Variants in RPP30 observed in about 807,000 individuals in gnomAD.
The protein encoded by RPP30 is ribonuclease P/MRP subunit p30.
Under a neutral mutation model 38.6 loss-of-function variants are expected in RPP30, and 36 were observed. That is an observed-to-expected ratio of 0.93 (90% confidence interval 0.71 to 1.23). RPP30 has a LOEUF of 1.23. Ranked by LOEUF, RPP30 falls within the 50% of genes most tolerant of loss-of-function variation. The pLI is 0.00. For synonymous variants in RPP30, 126 were observed against 112.7 expected (o/e 1.12, Z -0.75); for missense variants, 321 against 321.7 (o/e 1.00, Z 0.02).
chr10:90,872,141 A>G (rs779619382), intron 1 of RPP30, 73 bp downstream of exon 1: 54 of 1,249,942 alleles, frequency 4.3e-5, no homozygotes, highest in East Asian at 1.4e-4. Flanking sequence ...CGGAGTAACT[A>G]TTTCCTGATG....
At position 90,876,099 on chromosome 10, in the gene RPP30, G is replaced by A. The variant is rs1456084532; in HGVS notation, c.270+1G>A. 1.3e-6 allele frequency: 2 copies of A among 1,542,862 alleles called. No individual in the cohort carries two copies. The highest frequency in any genetic ancestry group is 1.7e-5 in the Admixed American group (1 of 59,334). ...GGATCCATCTCACTGCAATGTTTTG[G>A]TAAGTTAATTATTTTTCTTCTCTCC... On this transcript the variant is annotated splice_donor_variant, in intron 4 of 10. Transcript: ENST00000371703. LOFTEE classifies it high-confidence loss of function.
chr10:90,876,142 G>T (rs751157015), intron 4 of RPP30, 44 bp downstream of exon 4: 1 of 1,220,896 alleles, frequency 8.2e-7, no homozygotes, highest in Non-Finnish European at 1.2e-6. Flanking sequence ...TTTGTGAGTT[G>T]TATTGATTAA....
chr10:90,890,481 G>C (rs995494531), intron 6 of RPP30, among the ~76,000 whole-genome samples: 1 of 151,738 alleles, frequency 6.6e-6, no homozygotes, highest in African/African-American at 2.4e-5. Context: ...TTCTGTCTTC[G>C]TGGTCCGATT....
chr10:90,875,576 G>C lies in RPP30; in HGVS notation c.157G>C (p.Ala53Pro). 1 of 1,613,442 alleles carries C rather than the reference G, an allele frequency of 6.2e-7. No individual in the cohort carries two copies. The highest frequency in any genetic ancestry group is 8.5e-7 in the Non-Finnish European group (1 of 1,179,540). ...EKKQEIEKPVAVSELFTTLPI... is the reference protein window; with the variant it reads ...EKKQEIEKPVPVSELFTTLPI... ...GTTGTAGGAAATTGAAAAACCAGTAGCTGTTTCTGAACTCTTCACAACTTT... is the reference window on the plus strand; with the variant it reads ...GTTGTAGGAAATTGAAAAACCAGTACCTGTTTCTGAACTCTTCACAACTTT... Residue 53 changes from alanine to proline, a missense_variant, in exon 3 of 11, where the codon GCT becomes CCT. Coordinates refer to ENST00000371703, the MANE Select transcript of RPP30 (RefSeq NM_006413.5).
Position 90,901,596 on chromosome 10 carries a change from G to T in RPP30, c.*917G>T. 1 of 984,968 alleles carries T rather than the reference G, an allele frequency of 1.0e-6. No individual in the cohort carries two copies. The highest frequency in any genetic ancestry group is 1.2e-6 in the Non-Finnish European group (1 of 829,618). 61.0% of individuals were successfully genotyped at this position (984,968 alleles called of 1,614,324 possible). On this transcript the variant is annotated 3_prime_UTR_variant, in exon 11 of 11. Transcript: ENST00000371703. ...AACGCTAATATTGATTTTCCTGATAGCTGTATTAAAAATAGCAAAGCATCG... is the reference window on the plus strand; with the variant it reads ...AACGCTAATATTGATTTTCCTGATATCTGTATTAAAAATAGCAAAGCATCG...
At chr10:90,898,339 AAG>A (rs1847166637) in intron 10 of RPP30, among the ~76,000 whole-genome samples, 1 of 152,162 alleles carries the variant, frequency 6.6e-6, no homozygotes, top group African/African-American at 2.4e-5. Flanking sequence ...CTATTCCCTG[AAG>A]AGAGTCCTAA....
chr10:90,907,820 C>T (rs569718791), downstream of RPP30, among the ~76,000 whole-genome samples: 7 of 152,282 alleles, frequency 4.6e-5, no homozygotes, highest in Non-Finnish European at 8.8e-5. Flanking sequence ...TTTCCTTCAT[C>T]GTATTTACAA....
intron 7 of RPP30, 135 bp downstream of exon 7, chr10:90,895,026 G>T: frequency 1.3e-6 from 1 of 757,256 alleles, no homozygotes; most frequent in South Asian, 1.4e-5. Flanking sequence ...TGCCATTTCA[G>T]TGAGCTCTGC....
chr10:90,898,862 A>G (rs567780453), intron 10 of RPP30, among the ~76,000 whole-genome samples: 13 of 152,294 alleles, frequency 8.5e-5, no homozygotes, highest in Admixed American at 2.6e-4. Flanking sequence ...GTGATTGATA[A>G]AGTTCATGCC....
At chr10:90,883,529 A>G (rs758462803) in intron 5 of RPP30, among the ~76,000 whole-genome samples, 1 of 152,290 alleles carries the variant, frequency 6.6e-6, no homozygotes, top group East Asian at 1.9e-4. Context: ...AAAATAATTC[A>G]GTTTGGGGCA....
intron 7 of RPP30, 187 bp downstream of exon 7, chr10:90,895,078 A>G: frequency 1.6e-6 from 1 of 643,376 alleles, no homozygotes; most frequent in Non-Finnish European, 2.8e-6. Flanking sequence ...AGAATAATGT[A>G]AGGGAGAAAA....
chr10:90,904,225 T>C (rs1011749457), downstream of RPP30, among the ~76,000 whole-genome samples: 1 of 152,206 alleles, frequency 6.6e-6, no homozygotes, highest in African/African-American at 2.4e-5. Flanking sequence ...TCCAAGATCA[T>C]ACTTTAGATA....
At position 90,887,207 on chromosome 10, in the gene RPP30, A is replaced by G. The variant is rs528595074; in HGVS notation, c.432+1306A>G. ...GGTCTCAAACTCCTGGGCTCAAGCA[A>G]TCCTCCCACCTCAGCCTCCCAAAGT... On this transcript the variant is annotated intron_variant, in intron 6 of 10. Transcript: ENST00000371703. 1.2e-4 allele frequency among the ~76,000 whole-genome samples: 18 copies of G among 151,484 alleles called. No homozygotes were observed. The East Asian group carries it at 3.0e-3, about 25-fold the overall frequency.
chr10:90,895,342 A>G, intron 7 of RPP30, 112 bp from the exon 8 acceptor site: 1 of 628,988 alleles, frequency 1.6e-6, no homozygotes, highest in South Asian at 2.2e-5. Context: ...TCTTTAAAAG[A>G]AGTTGGTATT....
In RPP30 at chr10:90,896,344, G is replaced by T. The variant is rs137907824; in HGVS notation, c.649G>T (p.Ala217Ser). Residue 217 changes from alanine to serine, a missense_variant, in exon 10 of 11, where the codon GCC becomes TCC. Transcript: ENST00000371703. ...GLLFGLSESDAKAAVSTNCRA... is the reference protein window; with the variant it reads ...GLLFGLSESDSKAAVSTNCRA... ...GCTGTTTGGGCTCTCTGAAAGTGAC[G>T]CCAAGGCTGCGGTGTCCACCAACTG... is the stretch of plus-strand genomic sequence containing the variant. The T allele has an allele frequency of 3.1e-6, 5 of 1,613,952 alleles. No homozygotes were observed. Among genetic ancestry groups the T allele is most frequent in the Non-Finnish European group, 3.4e-6 (4 of 1,179,952 alleles).
chr10:90,871,998 T>G lies in RPP30; in HGVS notation c.12T>G (p.Phe4Leu), dbSNP rs770645747. The change falls in exon 1 of 11, where the codon TTT becomes TTG. Residue 4 changes from phenylalanine to leucine, a missense_variant. Physicochemically the swap from Phe to Leu is conservative, Grantham distance 22. Coordinates refer to ENST00000371703, the MANE Select transcript of RPP30 (RefSeq NM_006413.5). The stretch of plus-strand genomic sequence containing the variant: ...CATGGGACTTCAGCATGGCGGTGTT[T>G]GCAGATTTGGACCTGCGAGCGGGTT... The part of the protein sequence containing the change: MAV[F>L]ADLDLRAGSD... The G allele has an allele frequency of 2.5e-5, 40 of 1,613,910 alleles. No homozygotes were observed. Among genetic ancestry groups the G allele is most frequent in the Non-Finnish European group, 3.2e-5 (38 of 1,179,920 alleles).
intron 7 of RPP30, 80 bp downstream of exon 7, chr10:90,894,971 C>T (rs1847123583): frequency 2.0e-6 from 2 of 977,662 alleles, no homozygotes; most frequent in East Asian, 4.8e-5. Flanking sequence ...CAAACTGACT[C>T]CTTTTCCTTA....
chr10:90,872,044 G>T lies in RPP30; in HGVS notation c.58G>T (p.Gly20Ter), dbSNP rs1412864181. The T allele has an allele frequency of 6.2e-7, 1 of 1,614,158 alleles. No homozygotes were observed. ...RAGSDLKALRGLVETAAHLGY... is the reference protein window; with the variant it reads ...RAGSDLKALR ...GGGTTCTGACCTGAAGGCTCTGCGC[G>T]GACTTGTGGAGACAGCCGCTCACCG... The change falls in exon 1 of 11, where the codon GGA becomes TGA. Residue 20 changes from glycine (G) to a stop codon, truncating the protein, a stop_gained. Transcript: ENST00000371703. LOFTEE classifies it high-confidence loss of function.
At chr10:90,895,759 G>T in intron 8 of RPP30, 121 bp from the exon 9 acceptor site, 1 of 711,360 alleles carries the variant, frequency 1.4e-6, no homozygotes, top group Non-Finnish European at 2.2e-6. Context: ...AAAATTATAA[G>T]GACTTAAATT....
Sources: gnomAD v4.1 joint callset for allele counts (sites outside exome capture counted in the v4.1 genomes callset) on GRCh38, gnomAD v4.1.1 for gene constraint, MANE v1.5 for transcripts, NCBI Gene and HGNC (gene_info 2026-07-23, HGNC 2026-07-21) for gene names.